The following DNAAF6 variants were observed in gnomAD, a reference collection of about 807,000 sequenced individuals.
The protein encoded by DNAAF6 is PIH1 domain containing 3.
Under a neutral mutation model 13.7 loss-of-function variants are expected in DNAAF6, and 3 were observed. The observed-to-expected ratio is 0.22, with a 90% confidence interval of 0.10 to 0.56. The LOEUF (loss-of-function observed/expected upper bound fraction) is 0.56. Ranked by LOEUF, DNAAF6 falls within the 20% of genes least tolerant of loss-of-function variation. The pLI, the probability that DNAAF6 is intolerant of heterozygous loss-of-function variation, is 0.92. For missense variants in DNAAF6, 130 were observed against 151.0 expected, an observed-to-expected ratio of 0.86 and a Z score of 0.73; for synonymous variants, 54 against 49.2, an observed-to-expected ratio of 1.10 and a Z score of -0.41.
chrX:107,224,500 A>C (rs764200442), intron 5 of DNAAF6, among the ~76,000 whole-genome samples: 1 of 111,622 alleles, frequency 9.0e-6, no homozygotes, highest in Non-Finnish European at 1.9e-5. Flanking sequence ...AATTGTCCTC[A>C]AGGAATTTAC....
intron 5 of DNAAF6, among the ~76,000 whole-genome samples, chrX:107,232,733 T>TTTGTTG (rs1013522065): frequency 7.3e-5 from 8 of 109,730 alleles, no homozygotes; most frequent in South Asian, 8.0e-4. Flanking sequence ...TAGAAAGGGT[T>TTTGTTG]TTGTTGTTGT....
At chrX:107,212,575 A>G (rs1230855551) in intron 1 of DNAAF6, among the ~76,000 whole-genome samples, 1 of 111,720 alleles carries the variant, frequency 9.0e-6, no homozygotes, top group Admixed American at 9.5e-5. Context: ...CAACTCCCCC[A>G]AGTGATTATT....
At chrX:107,220,845 ATAGGAATTATAGG>A (rs1384515510) in intron 4 of DNAAF6, among the ~76,000 whole-genome samples, 1 of 112,012 alleles carries the variant, frequency 8.9e-6, no homozygotes, top group Non-Finnish European at 1.9e-5. Flanking sequence ...ATTAACTTTG[ATAGGAATTATAGG>A]TTAAGAAGAA....
intron 5 of DNAAF6, among the ~76,000 whole-genome samples, chrX:107,237,230 G>A (rs1033463432): frequency 5.4e-5 from 6 of 111,712 alleles, no homozygotes; most frequent in Admixed American, 9.5e-5. Flanking sequence ...TCAATTTGTC[G>A]CATTATTTAT....
intron 5 of DNAAF6, among the ~76,000 whole-genome samples, chrX:107,232,938 C>T (rs774587518): frequency 1.9e-4 from 21 of 110,445 alleles, no homozygotes; most frequent in African/African-American, 4.3e-4. Flanking sequence ...GACGGGGTTT[C>T]GCCATGTTGC....
intron 5 of DNAAF6, among the ~76,000 whole-genome samples, chrX:107,237,365 C>CCAAG (rs750746914): frequency 2.5e-4 from 28 of 112,195 alleles, no homozygotes; most frequent in Non-Finnish European, 4.7e-4. Flanking sequence ...TTTACCTGAA[C>CCAAG]CTTGGGCTGC....
At chrX:107,222,985 G>A (rs1928181022) in intron 5 of DNAAF6, 144 bp downstream of exon 5, 2 of 753,083 alleles carry the variant, frequency 2.7e-6, no homozygotes, top group South Asian at 1.2e-4. Flanking sequence ...GTAACAATGG[G>A]ATAGACAGTT....
chrX:107,211,254 TTAAC>T (rs1158091164), intron 1 of DNAAF6, among the ~76,000 whole-genome samples: 1 of 112,197 alleles, frequency 8.9e-6, no homozygotes, highest in Non-Finnish European at 1.9e-5. Context: ...TTTGAACCAT[TTAAC>T]TAGTTAGTCA....
chrX:107,219,213 T>C lies in DNAAF6; in HGVS notation c.332+244T>C, dbSNP rs944199998. Among the ~76,000 whole-genome samples, 12 of 112,316 alleles carry C rather than the reference T, an allele frequency of 1.1e-4. No homozygotes were observed. The Admixed American group carries it at 1.1e-3, about 11-fold the overall frequency. On this transcript the variant is annotated intron_variant, in intron 4 of 6. Coordinates refer to ENST00000372453, the MANE Select transcript of DNAAF6 (RefSeq NM_173494.2). ...ATGAAAAATATAGTCATTTCCATTATAAATTTATATTTAATGTCAATTTGT... is the reference window on the plus strand; with the variant it reads ...ATGAAAAATATAGTCATTTCCATTACAAATTTATATTTAATGTCAATTTGT...
chrX:107,242,448 G>A (rs1480616462), intron 6 of DNAAF6, among the ~76,000 whole-genome samples: 3 of 112,246 alleles, frequency 2.7e-5, no homozygotes, highest in Non-Finnish European at 5.6e-5. Context: ...AAAATGCGAG[G>A]TAACAAGTGT....
At position 107,233,392 on chromosome X, in the gene DNAAF6, G is replaced by A. The variant is rs749779202; in HGVS notation, c.430-5530G>A. 1.5e-3 allele frequency among the ~76,000 whole-genome samples: 168 copies of A among 111,138 alleles called. 12 individuals are homozygous for A. Among genetic ancestry groups the A allele is most frequent in the Non-Finnish European group, 4.2e-4 (22 of 52,981 alleles). On this transcript the variant is annotated intron_variant, in intron 5 of 6. Transcript: ENST00000372453. ...ACTCTTAGAAGAGTTCCACTACTTG[G>A]TATAATATTAACTATAGTCCTCATG...
In DNAAF6 at chrX:107,243,053, T is replaced by C; in HGVS notation, c.516-116T>C. On this transcript the variant is annotated intron_variant, in intron 6 of 6. Transcript: ENST00000372453. ...TGATCCAATATTTACACTATCTAAA[T>C]ATTGGGGGGGGGTTGTTTTCTAACA... 5.2e-6 allele frequency: 4 copies of C among 775,275 alleles called. No homozygotes were observed. In the South Asian group the frequency reaches 1.1e-4, roughly 21 times the overall value. The allele number at this position is 775,275 out of a possible 1,213,427, so 63.9% of individuals were successfully genotyped here. A position where few individuals can be genotyped will look rare whatever the true frequency, so the allele number is the denominator to read the frequency against.
At chrX:107,241,302 G>T (rs1268577308) in intron 6 of DNAAF6, among the ~76,000 whole-genome samples, 1 of 111,399 alleles carries the variant, frequency 9.0e-6, no homozygotes, top group African/African-American at 3.3e-5. Context: ...ATTATTGTTT[G>T]CATTTAATTT....
intron 5 of DNAAF6, among the ~76,000 whole-genome samples, chrX:107,232,578 TGAG>T (rs1163482386): frequency 2.7e-5 from 3 of 111,535 alleles, no homozygotes; most frequent in African/African-American, 9.8e-5. Flanking sequence ...GAAAATGCTC[TGAG>T]GAGAAAAGGA....
At chrX:107,233,415 A>T (rs1928453955) in intron 5 of DNAAF6, among the ~76,000 whole-genome samples, 1 of 111,451 alleles carries the variant, frequency 9.0e-6, no homozygotes, top group Non-Finnish European at 1.9e-5. Flanking sequence ...TATAGTCCTC[A>T]TGCTGTACCT....
intron 5 of DNAAF6, among the ~76,000 whole-genome samples, chrX:107,233,675 T>C (rs778061043): frequency 1.2e-4 from 13 of 109,298 alleles, no homozygotes; most frequent in Non-Finnish European, 2.3e-4. Context: ...CCCAGTGTTA[T>C]AAAGGAAATA....
chrX:107,227,388 C>T (rs1271414358), intron 5 of DNAAF6, among the ~76,000 whole-genome samples: 2 of 111,763 alleles, frequency 1.8e-5, no homozygotes, highest in Middle Eastern at 4.6e-3. Context: ...CCGTGCCTGG[C>T]CTATATTTGT....
intron 4 of DNAAF6, among the ~76,000 whole-genome samples, chrX:107,221,025 G>A (rs1250174813): frequency 2.8e-5 from 3 of 107,039 alleles, no homozygotes; most frequent in African/African-American, 6.9e-5. Context: ...AGGCTGGAGT[G>A]CAGTGGTGTG....
rs376751409 is a variant in DNAAF6, at chrX:107,241,870, T to C, written c.516-1299T>C. On this transcript the variant is annotated intron_variant, in intron 6 of 6. Transcript: ENST00000372453. Reference sequence around the variant, plus strand: ...CTGGACAGAGAAGTGCACATTATCATTGGAACTCCTTCTTCAGCTGATTTA... The same window carrying C: ...CTGGACAGAGAAGTGCACATTATCACTGGAACTCCTTCTTCAGCTGATTTA... Among the ~76,000 whole-genome samples, 23 of 112,051 alleles carry C rather than the reference T, an allele frequency of 2.1e-4. No individual in the cohort carries two copies. In the East Asian group the frequency reaches 5.5e-3, roughly 27 times the overall value.
Sources: gnomAD v4.1 joint callset for allele counts (sites outside exome capture counted in the v4.1 genomes callset) on GRCh38, gnomAD v4.1.1 for gene constraint, MANE v1.5 for transcripts, NCBI Gene and HGNC (gene_info 2026-07-23, HGNC 2026-07-21) for gene names.